Variants in USP7 observed in about 807,000 individuals in gnomAD.
USP7 encodes ubiquitin specific peptidase 7.
In USP7, 9 loss-of-function variants were observed where a neutral mutation model predicts 162.9. The observed-to-expected ratio is 0.06, with a 90% CI of 0.03 to 0.10. The LOEUF (loss-of-function observed/expected upper bound fraction) is 0.10. Among genes scored for constraint, USP7 ranks in the 10% least tolerant of loss-of-function variants. The pLI, the probability that USP7 is intolerant of heterozygous loss-of-function variation, is 1.00. For synonymous variants in USP7, 562 were observed against 475.9 expected (o/e 1.18, Z -2.35); for missense variants, 715 against 1,373.7 (o/e 0.52, Z 7.58).
chr16:8,941,764 C>CTGTGAGAG (rs1899056267), intron 1 of USP7, among the ~76,000 whole-genome samples: 1 of 152,098 alleles, frequency 6.6e-6, no homozygotes, highest in Non-Finnish European at 1.5e-5. Flanking sequence ...CCTGCCTCTC[C>CTGTGAGAG]CCAGGTGTGA....
chr16:8,919,781 C>T (rs1196286860), intron 5 of USP7, among the ~76,000 whole-genome samples: 2 of 151,608 alleles, frequency 1.3e-5, no homozygotes, highest in South Asian at 2.1e-4. Context: ...CACAATGCCA[C>T]GACCTGAACA....
Position 8,917,062 on chromosome 16 carries a change from T to C in USP7, c.815A>G (p.Lys272Arg), listed in dbSNP as rs1387771396. Residue 272 changes from lysine (K) to arginine (R), a missense_variant, in exon 7 of 31, where the codon AAA (lysine) becomes AGA (arginine). By Grantham distance (26) the Lys-to-Arg change is conservative. Around this residue, in one of 11 missense-constraint regions of USP7, gnomAD observed 24 missense variants for 153.3 expected, o/e 0.16. Coordinates refer to ENST00000344836, the MANE Select transcript of USP7 (RefSeq NM_003470.3). ...TGTTAACTTTTTTGTTCCTACAGGT[T>C]TATCACTATGCTGTAATTCATAGAA... is the stretch of plus-strand genomic sequence containing the variant. Reference protein sequence around the residue: ...RVFYELQHSDKPVGTKKLTKS... With the variant: ...RVFYELQHSDRPVGTKKLTKS... The C allele has an allele frequency of 6.2e-7, 1 of 1,612,374 alleles. No homozygotes were observed. Among genetic ancestry groups the C allele is most frequent in the Admixed American group, 1.7e-5 (1 of 59,708 alleles).
rs1238214840 is a variant in USP7 at position 8,930,274 on chromosome 16, G to A, written c.184+19C>T. 6.3e-7 allele frequency: 1 copy of A among 1,595,110 alleles called. No homozygotes were observed. Among genetic ancestry groups the A allele is most frequent in the Non-Finnish European group, 8.6e-7 (1 of 1,167,696 alleles). On this transcript the variant is annotated intron_variant, in intron 2 of 30. Transcript: ENST00000344836. The stretch of plus-strand genomic sequence containing the variant: ...ACAAGTTTCCGCCCACTGCGAGGCG[G>A]TGAACCACAGGCACTTACCATCCTC...
At chr16:8,905,161 A>T (rs199832315) in intron 14 of USP7, 26 bp downstream of exon 14, 2 of 1,607,760 alleles carry the variant, frequency 1.2e-6, no homozygotes, top group South Asian at 2.2e-5. Flanking sequence ...ACAGTAAAGA[A>T]CAGAACAAAA....
At chr16:8,899,253 C>T (rs1283745594) in intron 22 of USP7, 65 bp from the exon 23 acceptor site, 1 of 1,511,110 alleles carries the variant, frequency 6.6e-7, no homozygotes, top group African/African-American at 1.4e-5. Context: ...AAACTTCATG[C>T]TTAATTACTT....
chr16:8,905,430 A>G, intron 13 of USP7, 99 bp from the exon 14 acceptor site: 1 of 1,446,396 alleles, frequency 6.9e-7, no homozygotes. Flanking sequence ...ACTTCTAGGT[A>G]TGCCCCTAGT....
At chr16:8,929,008 C>T (rs982820911) in intron 2 of USP7, among the ~76,000 whole-genome samples, 2 of 77,970 alleles carry the variant, frequency 2.6e-5, no homozygotes, top group Non-Finnish European at 6.9e-5. Context: ...TAAGAAGCTC[C>T]GCCCTATATC....
At chr16:8,921,124 C>A (rs74010317) in intron 4 of USP7, 33 bp downstream of exon 4, 1 of 1,607,936 alleles carries the variant, frequency 6.2e-7, no homozygotes, top group Admixed American at 1.7e-5. Flanking sequence ...CAGTAATGCA[C>A]CAATTGTTCA....
chr16:8,936,613 T>C (rs935595138), intron 1 of USP7: 2 of 1,558,968 alleles, frequency 1.3e-6, no homozygotes, highest in Admixed American at 1.8e-5. Flanking sequence ...TTCCCAGCCA[T>C]CTCTGCATGG....
intron 1 of USP7, among the ~76,000 whole-genome samples, chr16:8,938,288 A>C (rs548426764): frequency 2.6e-5 from 4 of 152,098 alleles, no homozygotes; most frequent in African/African-American, 9.7e-5. Flanking sequence ...TTTCTTGATT[A>C]AACTTTGAGA....
In USP7 at chr16:8,915,370, T is replaced by A. The variant is rs112500982; in HGVS notation, c.988-26A>T. 1,064 of 1,613,278 alleles carry A rather than the reference T, an allele frequency of 6.6e-4. 7 individuals are homozygous for A. The African/African-American group carries it at 0.01, about 16-fold the overall frequency. On this transcript the variant is annotated intron_variant, in intron 9 of 30. Coordinates refer to ENST00000344836, the MANE Select transcript of USP7 (RefSeq NM_003470.3). ...CTGCAAATAAGGAAAGTAAAAGTGGTTTAACTAGTAATAGTCAAAAAATTC... is the reference window on the plus strand; with the variant it reads ...CTGCAAATAAGGAAAGTAAAAGTGGATTAACTAGTAATAGTCAAAAAATTC...
intron 15 of USP7, among the ~76,000 whole-genome samples, chr16:8,903,726 G>C (rs1035552400): frequency 6.6e-6 from 1 of 152,086 alleles, no homozygotes. Context: ...AATTAGCTGG[G>C]TGTGGTGGCA....
chr16:8,944,908 G>C (rs886471033), intron 1 of USP7, among the ~76,000 whole-genome samples: 1 of 151,728 alleles, frequency 6.6e-6, no homozygotes, highest in Non-Finnish European at 1.5e-5. Flanking sequence ...AGGAGTTCGA[G>C]ATCAGCCTGG....
At chr16:8,908,245 G>T in intron 12 of USP7, 96 bp downstream of exon 12, 1 of 971,040 alleles carries the variant, frequency 1.0e-6, no homozygotes, top group South Asian at 1.4e-5. Flanking sequence ...AATCAGATGT[G>T]GGACTGAAAA....
chr16:8,917,181 T>G, intron 6 of USP7, 25 bp from the exon 7 acceptor site: 2 of 1,574,536 alleles, frequency 1.3e-6, no homozygotes, highest in South Asian at 2.4e-5. Context: ...AAATAAGAAT[T>G]TTTACTCTGA....
Position 8,923,265 on chromosome 16 carries a change from G to T in USP7, c.333C>A (p.His111Gln). The T allele has an allele frequency of 6.2e-7, 1 of 1,614,206 alleles. No homozygotes were observed. The highest frequency in any genetic ancestry group is 8.5e-7 in the Non-Finnish European group (1 of 1,180,028). The change falls in exon 3 of 31, where the codon CAC (histidine) becomes CAA (glutamine). Residue 111 changes from histidine to glutamine, a missense_variant. Physicochemically the swap from His to Gln is conservative, Grantham distance 24 (BLOSUM62 0). Transcript: ENST00000344836. ...GGAGAAAGAATCCTACGCTTTTTTG[G>T]TGTGGTCTGTCTGGATAAAAGCGTG... ...VMPRFYPDRP[H>Q]QKSVGFFLQC... is the part of the protein sequence containing the mutation.
intron 1 of USP7, among the ~76,000 whole-genome samples, chr16:8,959,298 CTGT>C (rs2141269207): frequency 6.6e-6 from 1 of 151,096 alleles, no homozygotes; most frequent in Admixed American, 6.6e-5. Flanking sequence ...TCACCACAGT[CTGT>C]TATACCATGA....
chr16:8,946,668 C>T (rs1899298524), intron 1 of USP7, among the ~76,000 whole-genome samples: 1 of 152,216 alleles, frequency 6.6e-6, no homozygotes. Flanking sequence ...AGGCACACCT[C>T]CAATAATCTG....
chr16:8,910,942 A>G (rs2061937118), intron 10 of USP7, 115 bp from the exon 11 acceptor site: 1 of 812,638 alleles, frequency 1.2e-6, no homozygotes. Flanking sequence ...GGTAAACAAC[A>G]CTAACAGTAA....
Sources: gnomAD v4.1 joint callset for allele counts (sites outside exome capture counted in the v4.1 genomes callset) on GRCh38, gnomAD v4.1.1 for gene constraint, gnomAD v4.1.1 regional missense constraint, MANE v1.5 for transcripts, NCBI Gene and HGNC (gene_info 2026-07-23, HGNC 2026-07-21) for gene names.